Variants in C7orf57 observed in about 807,000 individuals in gnomAD.
C7orf57 encodes chromosome 7 open reading frame 57, also known as uncharacterized protein C7orf57.
C7orf57 carries 33 observed loss-of-function variants against 39.0 expected under a neutral mutation model. The observed-to-expected ratio is 0.85, with a 90% confidence interval of 0.64 to 1.13. The LOEUF (loss-of-function observed/expected upper bound fraction) is 1.13, where lower values mean the gene tolerates loss of function less well. Among genes scored for constraint, C7orf57 ranks in the 50% most tolerant of loss-of-function variants. The pLI, the probability that C7orf57 is intolerant of heterozygous loss-of-function variation, is 0.00. For synonymous variants in C7orf57, 124 were observed against 137.1 expected, an observed-to-expected ratio of 0.90 and a Z score of 0.67; for missense variants, 346 against 362.3, an observed-to-expected ratio of 0.95 and a Z score of 0.37.
intron 6 of C7orf57, 126 bp downstream of exon 6, chr7:48,050,103 G>C: frequency 1.5e-6 from 1 of 687,548 alleles, no homozygotes; most frequent in Non-Finnish European, 2.6e-6. Context: ...TCTGTGGCCT[G>C]GCCTGGCTGT....
chr7:48,057,229 T>C (rs545932730), intron 8 of C7orf57, among the ~76,000 whole-genome samples: 37 of 152,276 alleles, frequency 2.4e-4, no homozygotes, highest in Non-Finnish European at 2.1e-4. Context: ...TATGGACATT[T>C]TGACAATATT....
At position 48,043,623 on chromosome 7, in the gene C7orf57, T is replaced by C. The variant is rs778557707; in HGVS notation, c.350+34T>C. On this transcript the variant is annotated intron_variant, in intron 4 of 8. Coordinates refer to ENST00000348904, the MANE Select transcript of C7orf57 (RefSeq NM_001100159.3). Reference sequence around the variant, plus strand: ...CTTAAAGCACTCACATTTTTGTTTATCTTTACAGGAAAAAAATAGCCCAAT... The same window carrying C: ...CTTAAAGCACTCACATTTTTGTTTACCTTTACAGGAAAAAAATAGCCCAAT... 5.9e-6 allele frequency: 9 copies of C among 1,535,978 alleles called. No individual in the cohort carries two copies. In the Admixed American group the frequency reaches 1.4e-4, roughly 24 times the overall value.
chr7:48,051,877 CTCTT>C lies in C7orf57; in HGVS notation c.606-812_606-809del, dbSNP rs1370040250. ...TTTCTTTCTTTCTTTCTTTCTCTTT[CTCTT>C]TCTTTCTTTCCTTCCTTCCTTCCTT... On this transcript the variant is annotated intron_variant, in intron 6 of 8. Transcript: ENST00000348904. Among the ~76,000 whole-genome samples the C allele has an allele frequency of 2.3e-4, 9 of 39,104 alleles. 1 individual carries two copies. The highest frequency in any genetic ancestry group is 9.7e-4 in the South Asian group (1 of 1,032). The allele number at this position is 39,104 out of a possible 152,430, so 25.7% of individuals were successfully genotyped here.
intron 8 of C7orf57, among the ~76,000 whole-genome samples, chr7:48,057,663 A>C (rs1449486952): frequency 1.3e-5 from 2 of 152,172 alleles, no homozygotes; most frequent in Non-Finnish European, 2.9e-5. Flanking sequence ...GTCAAATAGA[A>C]GTGGTGATAG....
At chr7:48,056,383 C>A (rs1791116413) in intron 8 of C7orf57, among the ~76,000 whole-genome samples, 1 of 152,016 alleles carries the variant, frequency 6.6e-6, no homozygotes, top group African/African-American at 2.4e-5. Context: ...GTATGGTTTC[C>A]AGATATTTTT....
At chr7:48,058,936 G>A (rs1791206367) in intron 8 of C7orf57, among the ~76,000 whole-genome samples, 1 of 152,170 alleles carries the variant, frequency 6.6e-6, no homozygotes, top group South Asian at 2.1e-4. Context: ...AGCAAGATCT[G>A]TTCAATTTTG....
intron 7 of C7orf57, 151 bp from the exon 8 acceptor site, chr7:48,054,444 C>T: frequency 3.9e-6 from 2 of 513,038 alleles, no homozygotes; most frequent in Non-Finnish European, 3.3e-6. Context: ...GGTTTGTTGC[C>T]CTATTGAACT....
chr7:48,047,467 A>G (rs1337860499), intron 5 of C7orf57, among the ~76,000 whole-genome samples: 3 of 152,204 alleles, frequency 2.0e-5, no homozygotes, highest in Non-Finnish European at 2.9e-5. Flanking sequence ...GTTGTGAACT[A>G]TTTATGCCTG....
intron 6 of C7orf57, among the ~76,000 whole-genome samples, chr7:48,051,723 TTTCTCTTTTTCTTTTCTTTCTTTTTC>T (rs1790888382): frequency 1.8e-5 from 1 of 56,282 alleles, no homozygotes; most frequent in Non-Finnish European, 6.4e-5. Flanking sequence ...CCTTTCTTTC[TTTCTCTTTTTCTTTTCTTTCTTTTTC>T]TTTTCTTTCT....
chr7:48,054,711 G>A, intron 8 of C7orf57, 105 bp downstream of exon 8: 1 of 955,260 alleles, frequency 1.0e-6, no homozygotes, highest in Non-Finnish European at 1.6e-6. Flanking sequence ...AGGCAGCCTG[G>A]AATGTCCTTC....
At position 48,054,603 on chromosome 7, in the gene C7orf57, C is replaced by G; in HGVS notation, c.838C>G (p.Gln280Glu). Residue 280 changes from glutamine (Q) to glutamate (E), a missense_variant, in exon 8 of 9, where the codon CAA (glutamine) becomes GAA (glutamate). Gln to Glu is a conservative substitution (Grantham distance 29). Coordinates refer to ENST00000348904, the MANE Select transcript of C7orf57 (RefSeq NM_001100159.3). ...TGTACTTTTTATTACAGAGTCTTCT[C>G]AAAGTGAGTACTTATAAAGTAACCA... is the stretch of plus-strand genomic sequence containing the variant. The part of the protein sequence containing the change: ...EGPEDTPESS[Q>E]SPEESVSAST... 6.5e-7 allele frequency: 1 copy of G among 1,549,166 alleles called. No homozygotes were observed. Among genetic ancestry groups the G allele is most frequent in the Non-Finnish European group, 8.7e-7 (1 of 1,144,838 alleles).
chr7:48,058,384 A>G (rs2128799973), intron 8 of C7orf57, among the ~76,000 whole-genome samples: 2 of 151,816 alleles, frequency 1.3e-5, no homozygotes, highest in East Asian at 3.9e-4. Context: ...CTCCATACTC[A>G]TTCTTAGACA....
rs1311997858 is a variant in C7orf57, at chr7:48,045,263, A to G, written c.351-1197A>G. On this transcript the variant is annotated intron_variant, in intron 4 of 8. Coordinates refer to ENST00000348904, the MANE Select transcript of C7orf57 (RefSeq NM_001100159.3). ...CTGGGAACCCAGGAGCTATAACTTA[A>G]CATGCTTTTTGTTTTTAATTGTCCC... is the stretch of plus-strand genomic sequence containing the variant. Among the ~76,000 whole-genome samples the G allele has an allele frequency of 8.1e-5, 12 of 148,864 alleles. No homozygotes were observed. In the South Asian group the frequency reaches 2.6e-3, roughly 32 times the overall value.
At chr7:48,036,185 G>A in intron 1 of C7orf57, 23 bp from the exon 2 acceptor site, 1 of 989,778 alleles carries the variant, frequency 1.0e-6, no homozygotes, top group Non-Finnish European at 1.6e-6. Flanking sequence ...CCCAGAGCGG[G>A]CGCGCGGATT....
intron 6 of C7orf57, among the ~76,000 whole-genome samples, chr7:48,051,735 T>C (rs1311444113): frequency 0.011 from 807 of 72,396 alleles, 90 homozygotes; most frequent in Middle Eastern, 0.024. Context: ...TCTCTTTTTC[T>C]TTTCTTTCTT....
At chr7:48,054,697 C>A in intron 8 of C7orf57, 91 bp downstream of exon 8, 2 of 1,105,164 alleles carry the variant, frequency 1.8e-6, no homozygotes, top group Non-Finnish European at 2.7e-6. Context: ...AGACTACAGC[C>A]TCTAGGCAGC....
At chr7:48,049,824 C>T (rs1790820513) in intron 5 of C7orf57, 56 bp from the exon 6 acceptor site, 2 of 1,367,636 alleles carry the variant, frequency 1.5e-6, no homozygotes, top group Non-Finnish European at 2.1e-6. Context: ...GAGTTTTCTT[C>T]TCTAGCTGTT....
At chr7:48,051,441 C>G (rs919801514) in intron 6 of C7orf57, among the ~76,000 whole-genome samples, 53 of 147,050 alleles carry the variant, frequency 3.6e-4, no homozygotes, top group African/African-American at 1.2e-3. Flanking sequence ...AGCTCTGCCT[C>G]CCGGGTTCAT....
Position 48,036,254 on chromosome 7 carries a change from G to A in C7orf57, c.-55G>A. 1 of 1,542,640 alleles carries A rather than the reference G, an allele frequency of 6.5e-7. No individual in the cohort carries two copies. Among genetic ancestry groups the A allele is most frequent in the Non-Finnish European group, 8.8e-7 (1 of 1,138,174 alleles). On this transcript the variant is annotated 5_prime_UTR_variant, in exon 2 of 9. Coordinates refer to ENST00000348904, the MANE Select transcript of C7orf57 (RefSeq NM_001100159.3). ...CAAGCAGGCAGCGTCCAGCGCACCC[G>A]CGAACACCAGGTCCGGCAGCATCTG...
Sources: gnomAD v4.1 joint callset for allele counts (sites outside exome capture counted in the v4.1 genomes callset) on GRCh38, gnomAD v4.1.1 for gene constraint, MANE v1.5 for transcripts, NCBI Gene and HGNC (gene_info 2026-07-23, HGNC 2026-07-21) for gene names.